Variants in CCSER1 observed in about 807,000 individuals in gnomAD.
CCSER1 encodes the protein serine-rich coiled-coil domain-containing protein 1.
CCSER1 carries 41 observed loss-of-function variants against 82.0 expected under a neutral mutation model. The observed-to-expected ratio is 0.50, with a 90% CI of 0.39 to 0.65. CCSER1 has a LOEUF of 0.65. CCSER1 is among the 30% of genes least tolerant of loss of function. CCSER1 has a pLI of 0.00. For synonymous variants in CCSER1, 414 were observed against 383.9 expected, an observed-to-expected ratio of 1.08 and a Z score of -0.92; for missense variants, 1,119 against 1,064.2, an observed-to-expected ratio of 1.05 and a Z score of -0.72.
intron 5 of CCSER1, among the ~76,000 whole-genome samples, chr4:90,549,416 C>A (rs185770028): frequency 2.6e-4 from 39 of 152,112 alleles, no homozygotes; most frequent in Non-Finnish European, 4.1e-4. Flanking sequence ...AAAAGTTTTT[C>A]CCAGAAGGGG....
intron 1 of CCSER1, among the ~76,000 whole-genome samples, chr4:90,189,048 G>C (rs1029555415): frequency 4.0e-4 from 61 of 152,040 alleles, no homozygotes; most frequent in African/African-American, 1.5e-3. Flanking sequence ...AGAAATGGAT[G>C]GCTATACTGT....
At chr4:90,467,019 T>G (rs1410490122) in intron 4 of CCSER1, among the ~76,000 whole-genome samples, 1 of 152,190 alleles carries the variant, frequency 6.6e-6, no homozygotes, top group African/African-American at 2.4e-5. Flanking sequence ...CACACAGCTA[T>G]GAGAATGAAC....
In CCSER1 at chr4:91,557,548, T is replaced by C. The variant is rs1230340679; in HGVS notation, c.2218-41024T>C. Among the ~76,000 whole-genome samples the C allele has an allele frequency of 2.6e-5, 4 of 151,320 alleles. No homozygotes were observed. The East Asian group carries it at 7.7e-4, about 29-fold the overall frequency. The stretch of plus-strand genomic sequence containing the variant: ...AATGTAGTAAATACTATGATAACAA[T>C]TAGAACAGAGTAATATTGGAGTATA... On this transcript the variant is annotated intron_variant, in intron 10 of 10. Transcript: ENST00000509176.
intron 7 of CCSER1, chr4:90,780,839 A>G (rs1753672254): frequency 9.9e-7 from 1 of 1,010,512 alleles, no homozygotes; most frequent in Non-Finnish European, 1.2e-6. Flanking sequence ...TCAGTGTATT[A>G]GGCTGTTCTT....
chr4:91,377,241 TTA>T (rs947937056), intron 10 of CCSER1, among the ~76,000 whole-genome samples: 1 of 152,196 alleles, frequency 6.6e-6, no homozygotes, highest in African/African-American at 2.4e-5. Flanking sequence ...GCAGGATGAC[TTA>T]TAATCCTTTG....
intron 9 of CCSER1, among the ~76,000 whole-genome samples, chr4:91,076,841 G>C (rs1320912236): frequency 6.6e-6 from 1 of 152,126 alleles, no homozygotes; most frequent in Non-Finnish European, 1.5e-5. Context: ...GTACATGGAG[G>C]AACAGCCTAA....
At chr4:91,049,072 T>C (rs1223400233) in intron 9 of CCSER1, among the ~76,000 whole-genome samples, 1 of 152,096 alleles carries the variant, frequency 6.6e-6, no homozygotes, top group Non-Finnish European at 1.5e-5. Context: ...AGTAAAGACA[T>C]GAACACCATA....
At chr4:91,264,776 G>A (rs1369411298) in intron 10 of CCSER1, among the ~76,000 whole-genome samples, 3 of 151,952 alleles carry the variant, frequency 2.0e-5, no homozygotes, top group African/African-American at 7.2e-5. Context: ...AGACTAAAAA[G>A]ATTTCTTAAC....
At chr4:91,202,395 C>T (rs1468224435) in intron 10 of CCSER1, among the ~76,000 whole-genome samples, 1 of 151,924 alleles carries the variant, frequency 6.6e-6, no homozygotes, top group Admixed American at 6.6e-5. Flanking sequence ...CCACTCCTTG[C>T]TGCAATGGAA....
At chr4:90,696,745 A>C (rs1190283976) in intron 6 of CCSER1, among the ~76,000 whole-genome samples, 2 of 152,124 alleles carry the variant, frequency 1.3e-5, no homozygotes, top group Non-Finnish European at 2.9e-5. Flanking sequence ...ACAACCTTTA[A>C]GAGTGGGTTC....
intron 10 of CCSER1, among the ~76,000 whole-genome samples, chr4:91,472,720 T>C (rs563045055): frequency 1.1e-4 from 16 of 152,152 alleles, no homozygotes; most frequent in Non-Finnish European, 1.8e-4. Context: ...CCTTGAATAA[T>C]ATAGAGACAG....
intron 1 of CCSER1, among the ~76,000 whole-genome samples, chr4:90,195,477 C>T (rs556341051): frequency 7.7e-4 from 117 of 152,058 alleles, no homozygotes; most frequent in Middle Eastern, 3.4e-3. Flanking sequence ...TGGGTGAGTA[C>T]AGAGTATTTT....
chr4:90,427,377 A>G (rs1256336772), intron 4 of CCSER1, among the ~76,000 whole-genome samples: 1 of 151,838 alleles, frequency 6.6e-6, no homozygotes, highest in Non-Finnish European at 1.5e-5. Context: ...GTACCATCTA[A>G]CTGGCAAATA....
chr4:91,591,922 C>T (rs116094277), intron 10 of CCSER1, among the ~76,000 whole-genome samples: 117 of 152,038 alleles, frequency 7.7e-4, no homozygotes, highest in Non-Finnish European at 4.4e-4. Context: ...GATATAATGT[C>T]ATATTGCTTT....
intron 9 of CCSER1, among the ~76,000 whole-genome samples, chr4:91,013,090 T>A (rs962932819): frequency 7.4e-6 from 1 of 135,064 alleles, no homozygotes; most frequent in African/African-American, 2.5e-5. Context: ...AAAACATAGC[T>A]GTTTATTCAT....
chr4:90,993,863 A>G (rs1467291883), intron 9 of CCSER1, among the ~76,000 whole-genome samples: 3 of 152,224 alleles, frequency 2.0e-5, no homozygotes, highest in African/African-American at 7.2e-5. Flanking sequence ...TCACTAACAT[A>G]CATTACAATA....
intron 10 of CCSER1, among the ~76,000 whole-genome samples, chr4:91,367,130 CAAAA>C (rs70965488): frequency 4.7e-4 from 30 of 63,724 alleles, no homozygotes; most frequent in Admixed American, 1.8e-3. Context: ...ACCATCTCTC[CAAAA>C]AAAAAAAAAA....
intron 10 of CCSER1, among the ~76,000 whole-genome samples, chr4:91,326,186 T>A (rs2178222): frequency 6.6e-6 from 1 of 151,964 alleles, no homozygotes; most frequent in Non-Finnish European, 1.5e-5. Flanking sequence ...CACTGCATTA[T>A]TCTGTTCTCA....
chr4:91,282,861 A>G (rs566555766), intron 10 of CCSER1, among the ~76,000 whole-genome samples: 2 of 152,252 alleles, frequency 1.3e-5, no homozygotes, highest in East Asian at 3.9e-4. Flanking sequence ...TTCTGAACCA[A>G]ATCTAAAATT....
Sources: gnomAD v4.1 joint callset for allele counts (sites outside exome capture counted in the v4.1 genomes callset) on GRCh38, gnomAD v4.1.1 for gene constraint, MANE v1.5 for transcripts, NCBI Gene and HGNC (gene_info 2026-07-23, HGNC 2026-07-21) for gene names.